LRRC57: variants seen among roughly 807,000 people sequenced by gnomAD.
LRRC57 encodes the protein leucine-rich repeat-containing protein 57.
A neutral mutation model predicts 23.1 loss-of-function variants in LRRC57; 14 were observed. The observed-to-expected ratio is 0.61, with a 90% confidence interval of 0.40 to 0.95. The LOEUF (loss-of-function observed/expected upper bound fraction) is 0.95, where lower values mean the gene tolerates loss of function less well. Ranked by LOEUF, LRRC57 falls within the 40% of genes least tolerant of loss-of-function variation. The pLI is 0.00. For missense variants in LRRC57, 236 were observed against 284.4 expected (o/e 0.83, Z 1.22); for synonymous variants, 106 against 115.2 (o/e 0.92, Z 0.51).
intron 5 of LRRC57, among the ~76,000 whole-genome samples, chr15:42,544,581 G>C (rs1168670724): frequency 1.3e-5 from 2 of 151,840 alleles, no homozygotes; most frequent in Non-Finnish European, 2.9e-5. Flanking sequence ...CCAGCACCTT[G>C]GGAGGCTGCG....
At chr15:42,531,569 C>T in the LRRC57 span, 37 of 935,996 alleles carry the variant, frequency 4.0e-5, no homozygotes, top group East Asian at 2.3e-4. Flanking sequence ...TTCGGTTCCA[C>T]GCTCTTCTAA....
downstream of LRRC57, among the ~76,000 whole-genome samples, chr15:42,534,319 CAG>C (rs1555381554): frequency 6.6e-6 from 1 of 152,018 alleles, no homozygotes; most frequent in Non-Finnish European, 1.5e-5. Flanking sequence ...TTAGTAGAGA[CAG>C]GGTTTCACCA....
chr15:42,529,660 G>T, the LRRC57 span: 2 of 1,610,508 alleles, frequency 1.2e-6, no homozygotes. Context: ...GGAATTAACT[G>T]TCTTCTTGTG....
chr15:42,545,580 C>T (rs537975334), intron 4 of LRRC57: 3 of 174,532 alleles, frequency 1.7e-5, no homozygotes, highest in Non-Finnish European at 3.6e-5. Context: ...AAAAAGTTTA[C>T]CTGGAATCCA....
intron 5 of LRRC57, 52 bp from the exon 6 acceptor site, chr15:42,544,176 T>C (rs1323145372): frequency 2.1e-6 from 3 of 1,422,846 alleles, no homozygotes; most frequent in African/African-American, 1.4e-5. Flanking sequence ...AGTAAATAAA[T>C]ATAAGCCTAA....
the LRRC57 span, chr15:42,531,581 T>C: frequency 6.1e-6 from 5 of 825,804 alleles, no homozygotes; most frequent in Non-Finnish European, 9.5e-6. Context: ...CTCTTCTAAT[T>C]GGGAGATAAT....
the LRRC57 span, chr15:42,531,593 TG>T: frequency 1.4e-6 from 1 of 735,140 alleles, no homozygotes; most frequent in Non-Finnish European, 2.2e-6. Flanking sequence ...GGAGATAATA[TG>T]GAAGAAGGGC....
chr15:42,546,533 A>C (rs2057658902), intron 4 of LRRC57, among the ~76,000 whole-genome samples: 1 of 152,188 alleles, frequency 6.6e-6, no homozygotes, highest in South Asian at 2.1e-4. Context: ...AGTAATAACC[A>C]CATGCAGCTT....
In LRRC57 at chr15:42,548,422, C is replaced by T; in HGVS notation, c.13G>A (p.Ala5Thr). Residue 5 changes from alanine to threonine, a missense_variant, in exon 2 of 6, where the codon GCG becomes ACG. Physicochemically the swap from Ala to Thr is moderately conservative, Grantham distance 58 (BLOSUM62 0). Coordinates refer to ENST00000397130, the MANE Select transcript of LRRC57 (RefSeq NM_153260.3). ...GCCGTTTCCACATGAGCGCGGAGCGCACTGTTTCCCATCCTAGCGCCGCGG... is the reference window on the plus strand; with the variant it reads ...GCCGTTTCCACATGAGCGCGGAGCGTACTGTTTCCCATCCTAGCGCCGCGG... MGNS[A>T]LRAHVETAQK... 5 of 1,613,982 alleles carry T rather than the reference C, an allele frequency of 3.1e-6. No homozygotes were observed. Among genetic ancestry groups the T allele is most frequent in the Non-Finnish European group, 4.2e-6 (5 of 1,180,034 alleles).
At chr15:42,534,813 T>A (rs1339303087), downstream of LRRC57, among the ~76,000 whole-genome samples, 1 of 152,202 alleles carries the variant, frequency 6.6e-6, no homozygotes, top group African/African-American at 2.4e-5. Flanking sequence ...AAAGAATACT[T>A]TTTTTTCTGA....
chr15:42,541,307 C>T lies in LRRC57; in HGVS notation c.*2776G>A, dbSNP rs1006666398. ...TCACCTGAAGCCAGGAGTTCAAGAC[C>T]AGTCTGGCCAACACGGTGAAACCCT... On this transcript the variant is annotated 3_prime_UTR_variant, in exon 6 of 6. Coordinates refer to ENST00000397130, the MANE Select transcript of LRRC57 (RefSeq NM_153260.3). 5.3e-5 allele frequency: 8 copies of T among 152,042 alleles called. No individual in the cohort carries two copies. The highest frequency in any genetic ancestry group is 1.9e-4 in the African/African-American group (8 of 41,388). 9.4% of individuals were successfully genotyped at this position (152,042 alleles called of 1,614,324 possible).
intron 4 of LRRC57, 66 bp from the exon 5 acceptor site, chr15:42,545,328 A>C: frequency 8.8e-7 from 1 of 1,130,196 alleles, no homozygotes; most frequent in Middle Eastern, 2.2e-4. Flanking sequence ...CTTTTAGTAC[A>C]TTAAAACAAA....
the LRRC57 span, chr15:42,532,621 C>G: frequency 6.6e-6 from 1 of 152,580 alleles, no homozygotes; most frequent in Non-Finnish European, 1.5e-5. Flanking sequence ...GAATTTCTCT[C>G]TAAAGCAGGG....
In LRRC57 at chr15:42,542,059, T is replaced by TCAGATTCTCTTAATAAGCATAG. The variant is rs1237061423; in HGVS notation, c.*2023_*2024insCTATGCTTATTAAGAGAATCTG. The stretch of plus-strand genomic sequence containing the variant: ...CAGGCGTGAGCCACCGCGCCCGGCC[T>TCAGATTCTCTTAATAAGCATAG]TTTTTTTTTTTTTTGAGACGCAGTC... On this transcript the variant is annotated 3_prime_UTR_variant, in exon 6 of 6. Transcript: ENST00000397130. 8.2e-6 allele frequency: 1 copy of TCAGATTCTCTTAATAAGCATAG among 122,296 alleles called. No homozygotes were observed. Among genetic ancestry groups the TCAGATTCTCTTAATAAGCATAG allele is most frequent in the Non-Finnish European group, 1.6e-5 (1 of 62,230 alleles). The allele number at this position is 122,296 out of a possible 1,614,324, so 7.6% of individuals were successfully genotyped here.
At chr15:42,534,625 C>A (rs4923948), downstream of LRRC57, among the ~76,000 whole-genome samples, 47,622 of 152,062 alleles carry the variant, frequency 0.31, 9,305 homozygotes, top group African/African-American at 0.55. Flanking sequence ...ACCTTTATGA[C>A]ATTTATTTCT....
At chr15:42,529,161 T>C in the LRRC57 span, among the ~76,000 whole-genome samples, 1 of 152,182 alleles carries the variant, frequency 6.6e-6, no homozygotes, top group East Asian at 1.9e-4. Context: ...ATAAACAATA[T>C]GTAAACAAAT....
rs1187683267 is a variant in LRRC57, at chr15:42,544,066, C to T, written c.*17G>A. 1 of 1,610,848 alleles carries T rather than the reference C, an allele frequency of 6.2e-7. No homozygotes were observed. Among genetic ancestry groups the T allele is most frequent in the African/African-American group, 1.3e-5 (1 of 74,746 alleles). On this transcript the variant is annotated 3_prime_UTR_variant, in exon 6 of 6. Coordinates refer to ENST00000397130, the MANE Select transcript of LRRC57 (RefSeq NM_153260.3). ...CTAAGTCAGTATCCTGTAAGGTTTC[C>T]ATAGTCCTGGAGAACTTCACGCAAA...
chr15:42,528,365 A>T, the LRRC57 span: 1 of 1,614,120 alleles, frequency 6.2e-7, no homozygotes, highest in Non-Finnish European at 8.5e-7. Flanking sequence ...CCCGGTGACA[A>T]ATGGTCAGCT....
rs1298466654 is a variant in LRRC57, at chr15:42,547,754, T to C, written c.224-225A>G. The C allele has an allele frequency of 1.4e-5, 8 of 555,584 alleles. 1 individual carries two copies. The highest frequency in any genetic ancestry group is 2.6e-5 in the South Asian group (1 of 38,698). 34.4% of individuals were successfully genotyped at this position (555,584 alleles called of 1,614,324 possible). On this transcript the variant is annotated intron_variant, in intron 3 of 5. Transcript: ENST00000397130. ...TTGTGTGTATAATGGGCTCCTTTTG[T>C]AAAGGGGCCCAAGGCACAATCCGAC...
Sources: gnomAD v4.1 joint callset for allele counts (sites outside exome capture counted in the v4.1 genomes callset) on GRCh38, gnomAD v4.1.1 for gene constraint, MANE v1.5 for transcripts, NCBI Gene and HGNC (gene_info 2026-07-23, HGNC 2026-07-21) for gene names.